KAZN: variants seen among roughly 807,000 people sequenced by gnomAD.
The protein encoded by KAZN is kazrin.
Under a neutral mutation model 87.4 loss-of-function variants are expected in KAZN, and 40 were observed. That is an observed-to-expected ratio of 0.46 (90% CI 0.36 to 0.60). The LOEUF (loss-of-function observed/expected upper bound fraction) is 0.60, where lower values mean the gene tolerates loss of function less well. Ranked by LOEUF, KAZN falls within the 20% of genes least tolerant of loss-of-function variation. KAZN has a pLI of 0.00. For missense variants in KAZN, 898 were observed against 1,073.9 expected, an observed-to-expected ratio of 0.84 and a Z score of 2.29; for synonymous variants, 466 against 458.3, an observed-to-expected ratio of 1.02 and a Z score of -0.22.
intron 2 of KAZN, among the ~76,000 whole-genome samples, chr1:14,457,922 A>G (rs1667658364): frequency 6.7e-6 from 1 of 149,738 alleles, no homozygotes; most frequent in Admixed American, 6.7e-5. Context: ...TGTTCACGCC[A>G]TTCTCCCGCC....
chr1:14,564,408 T>C (rs1004977867), intron 2 of KAZN, among the ~76,000 whole-genome samples: 1 of 152,086 alleles, frequency 6.6e-6, no homozygotes. Context: ...CAGCACTGGG[T>C]AGGTTTTTTA....
At chr1:14,180,357 C>A (rs751053651) in intron 1 of KAZN, 161 of 1,332,416 alleles carry the variant, frequency 1.2e-4, no homozygotes, top group Middle Eastern at 1.8e-4. Flanking sequence ...CCTTACTTTT[C>A]TCTTCAAAAT....
At chr1:14,415,634 A>AG (rs1471547269) in intron 2 of KAZN, among the ~76,000 whole-genome samples, 3 of 152,134 alleles carry the variant, frequency 2.0e-5, no homozygotes, top group African/African-American at 7.2e-5. Context: ...TGAATACCCC[A>AG]GCTCCCTCGC....
intron 1 of KAZN, among the ~76,000 whole-genome samples, chr1:14,832,053 A>C (rs1298549788): frequency 1.3e-5 from 2 of 152,082 alleles, no homozygotes; most frequent in Non-Finnish European, 2.9e-5. Flanking sequence ...AAAATTAGCC[A>C]GGCATGGTGG....
intron 1 of KAZN, among the ~76,000 whole-genome samples, chr1:13,982,766 A>G (rs1638798439): frequency 6.6e-6 from 1 of 152,200 alleles, no homozygotes; most frequent in South Asian, 2.1e-4. Flanking sequence ...CAGAGCAGCT[A>G]GATACAGAGT....
chr1:15,101,589 T>C lies in KAZN; in HGVS notation c.1594T>C (p.Trp532Arg). 1 of 1,554,032 alleles carries C rather than the reference T, an allele frequency of 6.4e-7. No homozygotes were observed. Among genetic ancestry groups the C allele is most frequent in the Non-Finnish European group, 8.7e-7 (1 of 1,148,226 alleles). The change falls in exon 11 of 15, where the codon TGG (tryptophan) becomes CGG (arginine). Residue 532 changes from tryptophan (W) to arginine (R), a missense_variant. Trp to Arg is a moderately radical substitution (Grantham distance 101). Transcript: ENST00000376030. ...ELDHHWVAKA[W>R]LNDIGLSQYS... ...GGACCATCACTGGGTGGCCAAGGCC[T>C]GGCTGAATGACATTGGCCTGTCCCA...
intron 1 of KAZN, among the ~76,000 whole-genome samples, chr1:14,652,201 G>T (rs1638423532): frequency 6.6e-6 from 1 of 152,140 alleles, no homozygotes; most frequent in Non-Finnish European, 1.5e-5. Context: ...ATGTAATTTT[G>T]ATCCTGTTAT....
chr1:14,753,286 A>T (rs980801217), intron 1 of KAZN, among the ~76,000 whole-genome samples: 1 of 152,156 alleles, frequency 6.6e-6, no homozygotes, highest in East Asian at 1.9e-4. Flanking sequence ...TATATAAATA[A>T]GTTCTTTAGT....
intron 1 of KAZN, among the ~76,000 whole-genome samples, chr1:14,020,885 C>T (rs554074608): frequency 6.6e-6 from 1 of 152,282 alleles, no homozygotes; most frequent in South Asian, 2.1e-4. Flanking sequence ...GTCACCGTTC[C>T]TTTAGATGAG....
In KAZN at chr1:14,115,404, C is replaced by A. The variant is rs547315612; in HGVS notation, c.92-65031C>A. ...AGGTAATTGAATCATGGGGGCAGGT[C>A]TTTCCTGTGCTGTTCTCATGATAGT... On this transcript the variant is annotated intron_variant, in intron 1 of 16. Coordinates refer to the KAZN transcript ENST00000636203. Among the ~76,000 whole-genome samples the A allele has an allele frequency of 8.5e-5, 13 of 152,324 alleles. No individual in the cohort carries two copies. The South Asian group carries it at 2.7e-3, about 32-fold the overall frequency.
At chr1:13,914,384 A>G (rs1054579532) in intron 1 of KAZN, among the ~76,000 whole-genome samples, 1 of 152,232 alleles carries the variant, frequency 6.6e-6, no homozygotes, top group African/African-American at 2.4e-5. Context: ...TAAAACTTGT[A>G]TGAATTGCAC....
intron 2 of KAZN, among the ~76,000 whole-genome samples, chr1:14,434,750 A>T (rs6692125): frequency 6.6e-6 from 1 of 151,954 alleles, no homozygotes; most frequent in Non-Finnish European, 1.5e-5. Context: ...CTGGGACCCC[A>T]GCCCAGGACC....
chr1:14,725,334 G>C (rs1425806124), intron 1 of KAZN, among the ~76,000 whole-genome samples: 2 of 152,058 alleles, frequency 1.3e-5, no homozygotes, highest in South Asian at 2.1e-4. Context: ...TAGGCTCCTG[G>C]TGGCATTCTC....
intron 1 of KAZN, among the ~76,000 whole-genome samples, chr1:14,611,512 C>A (rs553769550): frequency 1.3e-5 from 2 of 152,004 alleles, no homozygotes; most frequent in East Asian, 1.9e-4. Context: ...TATAGTGAGA[C>A]GCTATCTCTA....
intron 1 of KAZN, among the ~76,000 whole-genome samples, chr1:13,902,596 T>G (rs1639289541): frequency 6.6e-6 from 1 of 152,068 alleles, no homozygotes; most frequent in African/African-American, 2.4e-5. Flanking sequence ...GGTGCAAAAA[T>G]ACAGGTAGGT....
chr1:14,780,131 C>A (rs984866579), intron 1 of KAZN, among the ~76,000 whole-genome samples: 3 of 152,292 alleles, frequency 2.0e-5, no homozygotes, highest in South Asian at 2.1e-4. Flanking sequence ...GCATCAGAAC[C>A]AATTTTGAGC....
At chr1:13,958,239 A>G (rs961601048) in intron 1 of KAZN, among the ~76,000 whole-genome samples, 94 of 152,210 alleles carry the variant, frequency 6.2e-4, no homozygotes, top group African/African-American at 2.1e-3. Context: ...TTTTTAAAAA[A>G]TTTAGCCTTA....
intron 2 of KAZN, among the ~76,000 whole-genome samples, chr1:14,345,219 A>T (rs1658023093): frequency 6.6e-6 from 1 of 152,160 alleles, no homozygotes; most frequent in African/African-American, 2.4e-5. Context: ...CGCCAGGCCC[A>T]TCCCCTCTTC....
intron 1 of KAZN, among the ~76,000 whole-genome samples, chr1:14,083,298 G>T (rs1643748278): frequency 6.6e-6 from 1 of 152,222 alleles, no homozygotes; most frequent in African/African-American, 2.4e-5. Context: ...TGATGAGCAT[G>T]ATATTGATTT....
Sources: gnomAD v4.1 joint callset for allele counts (sites outside exome capture counted in the v4.1 genomes callset) on GRCh38, gnomAD v4.1.1 for gene constraint, MANE v1.5 for transcripts, NCBI Gene and HGNC (gene_info 2026-07-23, HGNC 2026-07-21) for gene names.